ENOX1: variants seen among roughly 807,000 people sequenced by gnomAD.
ENOX1 encodes candidate growth-related and time keeping constitutive hydroquinone (NADH) oxidase.
In ENOX1, 42 loss-of-function variants were observed where a neutral mutation model predicts 82.5. That is an observed-to-expected ratio of 0.51 (90% CI 0.40 to 0.66). The LOEUF (loss-of-function observed/expected upper bound fraction) is 0.66, where lower values mean the gene tolerates loss of function less well. Among genes scored for constraint, ENOX1 ranks in the 30% least tolerant of loss-of-function variants. The probability of loss-of-function intolerance (pLI) is 0.00; values close to 1 mark genes in which losing one functional copy is unlikely to be tolerated. For missense variants in ENOX1, 608 were observed against 811.6 expected (o/e 0.75, Z 3.05); for synonymous variants, 271 against 282.2 (o/e 0.96, Z 0.40).
At chr13:43,769,729 C>T (rs942103195) in intron 1 of ENOX1, among the ~76,000 whole-genome samples, 2 of 152,150 alleles carry the variant, frequency 1.3e-5, no homozygotes, top group Non-Finnish European at 1.5e-5. Flanking sequence ...TTGCCTTCCT[C>T]GTGAAACACT....
chr13:43,759,035 A>G (rs1950810336), intron 1 of ENOX1, among the ~76,000 whole-genome samples: 1 of 152,012 alleles, frequency 6.6e-6, no homozygotes. Context: ...CCTTACAAAC[A>G]GCTAGAGAAT....
intron 5 of ENOX1, among the ~76,000 whole-genome samples, chr13:43,390,107 G>A (rs2052679946): frequency 6.6e-6 from 1 of 152,308 alleles, no homozygotes; most frequent in East Asian, 1.9e-4. Flanking sequence ...TGGGGGAGGT[G>A]CGGCATTATT....
intron 1 of ENOX1, among the ~76,000 whole-genome samples, chr13:43,766,029 G>A (rs549485997): frequency 6.6e-6 from 1 of 152,244 alleles, no homozygotes; most frequent in East Asian, 1.9e-4. Flanking sequence ...AAAGACAAAA[G>A]AATCATTAGT....
intron 1 of ENOX1, among the ~76,000 whole-genome samples, chr13:43,686,677 T>C (rs1457224684): frequency 6.6e-6 from 1 of 152,206 alleles, no homozygotes; most frequent in Admixed American, 6.5e-5. Flanking sequence ...TTTCCCCATT[T>C]GGCTATTTCA....
At chr13:43,503,228 T>G (rs1200046314) in intron 2 of ENOX1, among the ~76,000 whole-genome samples, 1 of 151,490 alleles carries the variant, frequency 6.6e-6, no homozygotes, top group African/African-American at 2.4e-5. Flanking sequence ...CACAAATAAA[T>G]AAAAATCCCA....
At chr13:43,344,788 G>C in intron 8 of ENOX1, 38 bp from the exon 9 acceptor site, 2 of 1,584,314 alleles carry the variant, frequency 1.3e-6, no homozygotes, top group Non-Finnish European at 1.7e-6. Flanking sequence ...ATCATGCCAA[G>C]ATGAGAAAAT....
chr13:43,649,008 C>T (rs1272237006), intron 2 of ENOX1, among the ~76,000 whole-genome samples: 5 of 152,186 alleles, frequency 3.3e-5, no homozygotes, highest in Non-Finnish European at 7.3e-5. Flanking sequence ...CAGACCACAG[C>T]TGTCTCTACT....
intron 1 of ENOX1, among the ~76,000 whole-genome samples, chr13:43,769,215 G>T (rs1452427714): frequency 6.6e-6 from 1 of 152,128 alleles, no homozygotes; most frequent in Non-Finnish European, 1.5e-5. Flanking sequence ...ATACTCAAAA[G>T]ACATTACCCA....
At chr13:43,726,914 G>A (rs1329954043) in intron 1 of ENOX1, among the ~76,000 whole-genome samples, 1 of 152,056 alleles carries the variant, frequency 6.6e-6, no homozygotes, top group East Asian at 1.9e-4. Flanking sequence ...GCTAATTTTT[G>A]TATTTTTAAC....
At chr13:43,461,580 C>T (rs745666226) in intron 3 of ENOX1, among the ~76,000 whole-genome samples, 4 of 152,160 alleles carry the variant, frequency 2.6e-5, no homozygotes, top group Non-Finnish European at 5.9e-5. Context: ...AGGCAAATGA[C>T]CCCACCGCCA....
Position 43,344,627 on chromosome 13 carries a change from C to A in ENOX1, c.947G>T (p.Arg316Leu). 1 of 1,614,096 alleles carries A rather than the reference C, an allele frequency of 6.2e-7. No homozygotes were observed. ...MVQSANSHVR[R>L]LMNEKATHEQ... is the part of the protein sequence containing the mutation. ...ATGGGTGGCTTTTTCATTCATTAGC[C>A]GGCGGACGTGGCTGTTGGCCGACTG... Residue 316 changes from arginine to leucine, a missense_variant, in exon 9 of 17, where the codon CGG becomes CTG. Arg to Leu is a moderately radical substitution (Grantham distance 102, BLOSUM62 -2). Transcript: ENST00000690772.
chr13:43,729,595 C>A (rs2089212044), intron 1 of ENOX1, among the ~76,000 whole-genome samples: 1 of 152,128 alleles, frequency 6.6e-6, no homozygotes, highest in Admixed American at 6.6e-5. Context: ...GAAATAGTAA[C>A]AGCAGCCTTG....
At chr13:43,334,420 C>T (rs2048582444) in intron 9 of ENOX1, among the ~76,000 whole-genome samples, 1 of 152,164 alleles carries the variant, frequency 6.6e-6, no homozygotes, top group Non-Finnish European at 1.5e-5. Flanking sequence ...CTTTGTACTA[C>T]ACACTGGGGA....
chr13:43,630,846 C>CAT (rs750617533), intron 2 of ENOX1, among the ~76,000 whole-genome samples: 1,949 of 139,518 alleles, frequency 0.014, 36 homozygotes, highest in African/African-American at 0.048. Context: ...CACACACACA[C>CAT]ATATATATAT....
At chr13:43,651,832 G>A (rs1214103164) in intron 2 of ENOX1, among the ~76,000 whole-genome samples, 3 of 151,688 alleles carry the variant, frequency 2.0e-5, no homozygotes, top group Non-Finnish European at 2.9e-5. Flanking sequence ...AAAATTAGCC[G>A]GGGGTAGTGG....
intron 2 of ENOX1, among the ~76,000 whole-genome samples, chr13:43,577,371 A>T (rs756204071): frequency 6.6e-6 from 1 of 152,142 alleles, no homozygotes; most frequent in Non-Finnish European, 1.5e-5. Flanking sequence ...ACCTCAGGTG[A>T]TCTGCCTGCC....
At chr13:43,219,815 G>A (rs776338881) in intron 16 of ENOX1, among the ~76,000 whole-genome samples, 33 of 152,216 alleles carry the variant, frequency 2.2e-4, no homozygotes, top group Non-Finnish European at 3.1e-4. Flanking sequence ...TCCATACCCC[G>A]TATCATCAGG....
chr13:43,265,043 T>G (rs2153478703), intron 14 of ENOX1, among the ~76,000 whole-genome samples: 1 of 152,306 alleles, frequency 6.6e-6, no homozygotes, highest in South Asian at 2.1e-4. Flanking sequence ...GCAGGCAAAC[T>G]TAATGAATAT....
At chr13:43,702,737 G>A (rs1054273267) in intron 1 of ENOX1, among the ~76,000 whole-genome samples, 4 of 151,948 alleles carry the variant, frequency 2.6e-5, no homozygotes, top group Non-Finnish European at 5.9e-5. Flanking sequence ...GATCACTTGA[G>A]GTCAGAAGTT....
Sources: allele counts gnomAD v4.1 joint callset (sites outside exome capture counted in the v4.1 genomes callset), GRCh38; gene constraint gnomAD v4.1.1; transcripts MANE v1.5; gene names NCBI Gene and HGNC (gene_info 2026-07-23, HGNC 2026-07-21).